The following KATNB1 variants were observed in gnomAD, a reference collection of about 807,000 sequenced individuals.
KATNB1 encodes katanin regulatory subunit B1.
A neutral mutation model predicts 82.3 loss-of-function variants in KATNB1; 38 were observed. The ratio of observed to expected loss-of-function variants is 0.46; its 90% CI spans 0.36 to 0.61. KATNB1 has a LOEUF of 0.61. KATNB1 is among the 20% of genes least tolerant of loss of function. The probability of loss-of-function intolerance (pLI) is 0.00; values close to 1 mark genes in which losing one functional copy is unlikely to be tolerated. For missense variants in KATNB1, 749 were observed against 915.7 expected (o/e 0.82, Z 2.35); for synonymous variants, 361 against 368.7 (o/e 0.98, Z 0.24).
At chr16:57,747,838 T>C (rs569305953) in intron 4 of KATNB1, among the ~76,000 whole-genome samples, 1 of 152,276 alleles carries the variant, frequency 6.6e-6, no homozygotes, top group East Asian at 1.9e-4. Context: ...TCATCCACAA[T>C]TGTTTTGCTC....
intron 2 of KATNB1, among the ~76,000 whole-genome samples, chr16:57,738,903 C>T (rs2049123130): frequency 6.6e-6 from 1 of 151,372 alleles, no homozygotes; most frequent in Non-Finnish European, 1.5e-5. Flanking sequence ...AACCGTATCC[C>T]TCTGTGTCTC....
chr16:57,755,053 T>TG (rs1176251288), intron 14 of KATNB1, 56 bp downstream of exon 14: 2 of 1,613,356 alleles, frequency 1.2e-6, no homozygotes, highest in Middle Eastern at 1.7e-4. Flanking sequence ...GACCCAGGGT[T>TG]GGGGGTGCCT....
intron 2 of KATNB1, among the ~76,000 whole-genome samples, chr16:57,737,837 C>T (rs1331386955): frequency 6.6e-6 from 1 of 152,174 alleles, no homozygotes; most frequent in Non-Finnish European, 1.5e-5. Context: ...AGACTTCATA[C>T]TTTAAGAATT....
Position 57,753,167 on chromosome 16 carries a change from G to A in KATNB1, c.946G>A (p.Val316Met), listed in dbSNP as rs61729342. The A allele has an allele frequency of 5.7e-3, 9,253 of 1,610,518 alleles. 496 individuals carry two copies. The African/African-American group carries it at 0.11, about 19-fold the overall frequency. Residue 316 changes from valine (V) to methionine (M), a missense_variant, in exon 11 of 20, where the codon GTG becomes ATG. By Grantham distance (21) the Val-to-Met change is conservative (BLOSUM62 1). Transcript: ENST00000379661. ...TRTGTVARDP[V>M]QDHRPLAQPL... ...GACTGGCACGGTGGCCCGGGACCCT[G>A]TGCAGGACCACCGGCCCCTGGCACA... is the stretch of plus-strand genomic sequence containing the variant.
At chr16:57,736,578 G>A (rs558106113) in intron 1 of KATNB1, among the ~76,000 whole-genome samples, 1 of 152,148 alleles carries the variant, frequency 6.6e-6, no homozygotes, top group Non-Finnish European at 1.5e-5. Context: ...GGCCGTCTCT[G>A]GGATGCCTTT....
In KATNB1 at chr16:57,755,503, C is replaced by G. The variant is rs781941227; in HGVS notation, c.1566+9C>G. 1 of 1,611,298 alleles carries G rather than the reference C, an allele frequency of 6.2e-7. No individual in the cohort carries two copies. ...CCATGGGCGACATCAAGGCAAGTGC[C>G]CACCCTTGCACAGGGCCTCATCTCG... On this transcript the variant is annotated intron_variant, in intron 16 of 19. Transcript: ENST00000379661.
In KATNB1 at chr16:57,744,335, G is replaced by A; in HGVS notation, c.172-59G>A. On this transcript the variant is annotated intron_variant, in intron 3 of 19. Coordinates refer to ENST00000379661, the MANE Select transcript of KATNB1 (RefSeq NM_005886.3). ...GCCTTTCCGGGGGACTTGGAATTCA[G>A]GGCGCAACTGCAGGGGTCTGTCCAG... is the stretch of plus-strand genomic sequence containing the variant. 3 of 1,427,452 alleles carry A rather than the reference G, an allele frequency of 2.1e-6. No individual in the cohort carries two copies. In the South Asian group the frequency reaches 3.4e-5, roughly 16 times the overall value. The allele number at this position is 1,427,452 out of a possible 1,614,324, so 88.4% of individuals were successfully genotyped here.
chr16:57,751,928 C>T lies in KATNB1; in HGVS notation c.517-12C>T. On this transcript the variant is annotated splice_polypyrimidine_tract_variant and intron_variant, in intron 7 of 19. Transcript: ENST00000379661. This position sits in a 1 kb window ranked among gnomAD's most constrained non-coding sequence, Gnocchi z 6.3. ...CCTGGTCACCCTGACCTCCTCCCTG[C>T]CCTGCCTCCAGCTCTGGGATCTCAC... The T allele has an allele frequency of 1.2e-6, 2 of 1,602,868 alleles. No homozygotes were observed. The highest frequency in any genetic ancestry group is 2.2e-5 in the South Asian group (2 of 90,640).
rs950877806 is a variant in KATNB1, at chr16:57,757,171, C to T, written c.*225C>T. ...GCCCAGCTTTGCCCAACTGTTGCTT[C>T]TTGGGGCAGCGAACTGAGCCCTGGG... On this transcript the variant is annotated 3_prime_UTR_variant, in exon 20 of 20. Coordinates refer to ENST00000379661, the MANE Select transcript of KATNB1 (RefSeq NM_005886.3). 2.2e-5 allele frequency: 9 copies of T among 414,548 alleles called. No homozygotes were observed. The highest frequency in any genetic ancestry group is 3.7e-5 in the Non-Finnish European group (9 of 241,092). The allele number at this position is 414,548 out of a possible 1,614,324, so 25.7% of individuals were successfully genotyped here. A position where few individuals can be genotyped will look rare whatever the true frequency, so the allele number is the denominator to read the frequency against.
At chr16:57,741,047 T>C (rs1452446693) in intron 2 of KATNB1, among the ~76,000 whole-genome samples, 1 of 152,212 alleles carries the variant, frequency 6.6e-6, no homozygotes, top group Non-Finnish European at 1.5e-5. Context: ...ACAAGTGACC[T>C]AGTAGCCAAG....
intron 4 of KATNB1, among the ~76,000 whole-genome samples, chr16:57,748,941 G>A (rs932300433): frequency 3.3e-5 from 5 of 152,228 alleles, no homozygotes; most frequent in African/African-American, 4.8e-5. Context: ...AAGAGCCAGC[G>A]TGGCCTCCTT....
At chr16:57,754,292 G>GGGCCCACCT (rs1266162250) in intron 13 of KATNB1, among the ~76,000 whole-genome samples, 1 of 152,176 alleles carries the variant, frequency 6.6e-6, no homozygotes, top group Non-Finnish European at 1.5e-5. Context: ...GAGTCACTGG[G>GGGCCCACCT]GGCCCACCTT....
Position 57,755,829 on chromosome 16 carries a change from CTGTT to C in KATNB1, c.1567-9_1567-6del. The C allele has an allele frequency of 6.3e-7, 1 of 1,578,480 alleles. No individual in the cohort carries two copies. Among genetic ancestry groups the C allele is most frequent in the Non-Finnish European group, 8.7e-7 (1 of 1,155,120 alleles). ...CCACTGCCCCACCCCTGACGGTGCT[CTGTT>C]TGCACAGACGTCGGTGGACTCCGCT... On this transcript the variant is annotated splice_region_variant and splice_polypyrimidine_tract_variant and intron_variant, in intron 16 of 19. Coordinates refer to ENST00000379661, the MANE Select transcript of KATNB1 (RefSeq NM_005886.3).
intron 3 of KATNB1, among the ~76,000 whole-genome samples, chr16:57,743,392 C>T (rs2049157450): frequency 6.6e-6 from 1 of 152,208 alleles, no homozygotes; most frequent in Admixed American, 6.5e-5. Context: ...CTGAGATCCA[C>T]CCCAGCCTCA....
chr16:57,739,518 T>A (rs1482301817), intron 2 of KATNB1, among the ~76,000 whole-genome samples: 1 of 152,212 alleles, frequency 6.6e-6, no homozygotes, highest in East Asian at 1.9e-4. Context: ...TTATTTTTTA[T>A]TTTTGGTATG....
intron 4 of KATNB1, among the ~76,000 whole-genome samples, chr16:57,748,315 G>C (rs892164321): frequency 1.3e-5 from 2 of 152,070 alleles, no homozygotes; most frequent in Admixed American, 6.5e-5. Flanking sequence ...TGAGGCCCCA[G>C]GTGTGGAAAG....
Position 57,755,824 on chromosome 16 carries a change from G to T in KATNB1, c.1567-17G>T, listed in dbSNP as rs782505690. ...GTCCCCCACTGCCCCACCCCTGACGGTGCTCTGTTTGCACAGACGTCGGTG... is the reference window on the plus strand; with the variant it reads ...GTCCCCCACTGCCCCACCCCTGACGTTGCTCTGTTTGCACAGACGTCGGTG... On this transcript the variant is annotated splice_polypyrimidine_tract_variant and intron_variant, in intron 16 of 19. Transcript: ENST00000379661. 6.4e-6 allele frequency: 10 copies of T among 1,572,922 alleles called. No homozygotes were observed. The East Asian group carries it at 9.1e-5, about 14-fold the overall frequency.
At chr16:57,747,519 A>C (rs1297031390) in intron 4 of KATNB1, among the ~76,000 whole-genome samples, 2 of 152,196 alleles carry the variant, frequency 1.3e-5, no homozygotes, top group Non-Finnish European at 2.9e-5. Flanking sequence ...TGGTCAGTTT[A>C]AGAACAAAAG....
rs1487675792 is a variant in KATNB1 at position 57,757,119 on chromosome 16, T to C, written c.*173T>C. The C allele has an allele frequency of 1.5e-5, 9 of 587,580 alleles. No homozygotes were observed. Among genetic ancestry groups the C allele is most frequent in the South Asian group, 5.3e-5 (1 of 18,784 alleles). 36.4% of individuals were successfully genotyped at this position (587,580 alleles called of 1,614,324 possible). A position where few individuals can be genotyped will look rare whatever the true frequency, so the allele number is the denominator to read the frequency against. ...TGGCCACCTCTACAGCCCTGAACTC[T>C]TGAGACAACTCTCTCCAGCAATAGC... On this transcript the variant is annotated 3_prime_UTR_variant, in exon 20 of 20. Transcript: ENST00000379661.
Sources: allele counts gnomAD v4.1 joint callset (sites outside exome capture counted in the v4.1 genomes callset), GRCh38; gene constraint gnomAD v4.1.1; non-coding constraint Gnocchi (gnomAD v3.1); transcripts MANE v1.5; gene names NCBI Gene and HGNC (gene_info 2026-07-23, HGNC 2026-07-21).